FAIM: variants seen among roughly 807,000 people sequenced by gnomAD.
The protein encoded by FAIM is fas apoptotic inhibitory molecule 1.
A neutral mutation model predicts 21.2 loss-of-function variants in FAIM; 14 were observed. The observed-to-expected ratio is 0.66, with a 90% CI of 0.44 to 1.03. The LOEUF (loss-of-function observed/expected upper bound fraction) is 1.03. FAIM is among the 50% of genes least tolerant of loss of function. The pLI is 0.00. For synonymous variants in FAIM, 86 were observed against 80.4 expected, an observed-to-expected ratio of 1.07 and a Z score of -0.37; for missense variants, 222 against 247.1, an observed-to-expected ratio of 0.90 and a Z score of 0.68.
intron 1 of FAIM, among the ~76,000 whole-genome samples, chr3:138,616,040 C>A (rs1327477065): frequency 1.3e-5 from 2 of 152,188 alleles, no homozygotes; most frequent in Non-Finnish European, 2.9e-5. Flanking sequence ...GCACCCTCTA[C>A]AGCTTTGTTA....
intron 1 of FAIM, 84 bp from the exon 2 acceptor site, chr3:138,619,627 T>C: frequency 8.1e-7 from 1 of 1,231,548 alleles, no homozygotes; most frequent in Non-Finnish European, 1.2e-6. Flanking sequence ...AGAAAAACCC[T>C]TTGTAGATGT....
At chr3:138,623,200 CAA>C (rs1392274407) in intron 4 of FAIM, among the ~76,000 whole-genome samples, 3 of 152,190 alleles carry the variant, frequency 2.0e-5, no homozygotes, top group Admixed American at 6.5e-5. Context: ...TCAAAATTAT[CAA>C]AGTCTAGGAC....
intron 1 of FAIM, among the ~76,000 whole-genome samples, chr3:138,609,352 A>G (rs1057169921): frequency 6.6e-5 from 10 of 152,028 alleles, no homozygotes; most frequent in Non-Finnish European, 1.0e-4. Flanking sequence ...CGACCTCTAA[A>G]GATAATACTT....
At chr3:138,623,837 A>G (rs2042913296) in intron 4 of FAIM, among the ~76,000 whole-genome samples, 1 of 152,154 alleles carries the variant, frequency 6.6e-6, no homozygotes, top group Admixed American at 6.6e-5. Flanking sequence ...ACTGGAATAT[A>G]TTCCTTAGGT....
intron 1 of FAIM, among the ~76,000 whole-genome samples, chr3:138,611,660 C>T (rs1432684276): frequency 2.6e-5 from 4 of 152,148 alleles, no homozygotes; most frequent in Admixed American, 6.6e-5. Flanking sequence ...GGGCTGATCC[C>T]CAGTGAATAC....
chr3:138,621,654 G>T (rs1012385971), intron 3 of FAIM, 115 bp downstream of exon 3: 6 of 862,026 alleles, frequency 7.0e-6, no homozygotes, highest in Non-Finnish European at 1.1e-5. Flanking sequence ...TCATGTTTTT[G>T]ATCTGTATCA....
rs2043025636 is a variant in FAIM, at chr3:138,633,197, T to TA, written c.*119dup. ...GCAATGTTTTAATTTTTTAAAAAGT[T>TA]ACATGAAACTAACATTCCAAGGGTC... On this transcript the variant is annotated 3_prime_UTR_variant, in exon 6 of 6. Coordinates refer to ENST00000360570, the MANE Select transcript of FAIM (RefSeq NM_001033031.2). 1.2e-6 allele frequency: 1 copy of TA among 864,518 alleles called. No individual in the cohort carries two copies. The highest frequency in any genetic ancestry group is 1.6e-6 in the Non-Finnish European group (1 of 620,294). The allele number at this position is 864,518 out of a possible 1,614,324, so 53.6% of individuals were successfully genotyped here. A position where few individuals can be genotyped will look rare whatever the true frequency, so the allele number is the denominator to read the frequency against.
At chr3:138,609,537 T>TCTCTC (rs2042730053) in intron 1 of FAIM, among the ~76,000 whole-genome samples, 1 of 6,286 alleles carries the variant, frequency 1.6e-4, no homozygotes, top group African/African-American at 6.3e-4. Context: ...GCTGAAACTC[T>TCTCTC]CTCTCTCTCT....
At chr3:138,631,954 G>C (rs944375875) in intron 5 of FAIM, among the ~76,000 whole-genome samples, 2 of 151,972 alleles carry the variant, frequency 1.3e-5, no homozygotes, top group African/African-American at 4.8e-5. Context: ...TGTTAACTGG[G>C]GGGCCTTGTT....
At chr3:138,622,965 A>G (rs2042903499) in intron 4 of FAIM, among the ~76,000 whole-genome samples, 1 of 151,516 alleles carries the variant, frequency 6.6e-6, no homozygotes, top group South Asian at 2.1e-4. Context: ...ACTTGAATCC[A>G]GGAGGCGGAG....
intron 1 of FAIM, among the ~76,000 whole-genome samples, chr3:138,616,287 C>T (rs2042824430): frequency 6.6e-6 from 1 of 152,176 alleles, no homozygotes. Context: ...TTAATCTCTG[C>T]CTTTTAAAAT....
intron 2 of FAIM, among the ~76,000 whole-genome samples, chr3:138,620,002 T>C (rs1488625398): frequency 6.6e-6 from 1 of 152,248 alleles, no homozygotes; most frequent in Non-Finnish European, 1.5e-5. Flanking sequence ...TCTTCTCATT[T>C]CTGTCAGCAC....
intron 1 of FAIM, among the ~76,000 whole-genome samples, chr3:138,613,874 C>T (rs1050425682): frequency 1.3e-5 from 2 of 152,154 alleles, no homozygotes; most frequent in Non-Finnish European, 2.9e-5. Context: ...ATTGCCAAAT[C>T]CAAGATCATG....
rs184571814 is a variant in FAIM at position 138,632,003 on chromosome 3, G to C, written c.457-927G>C. 9.9e-3 allele frequency among the ~76,000 whole-genome samples: 1,504 copies of C among 152,054 alleles called. 15 individuals are homozygous for C. Among genetic ancestry groups the C allele is most frequent in the Non-Finnish European group, 0.015 (1,038 of 67,984 alleles). ...CTGCCAGGAAGCTAATAGCCAGGGGGTTTAAGTCTGATTTTTGGTTTCTTT... is the reference window on the plus strand; with the variant it reads ...CTGCCAGGAAGCTAATAGCCAGGGGCTTTAAGTCTGATTTTTGGTTTCTTT... On this transcript the variant is annotated intron_variant, in intron 5 of 5. Coordinates refer to ENST00000360570, the MANE Select transcript of FAIM (RefSeq NM_001033031.2).
At chr3:138,616,717 A>G (rs756811822) in intron 1 of FAIM, among the ~76,000 whole-genome samples, 2 of 152,178 alleles carry the variant, frequency 1.3e-5, no homozygotes, top group Non-Finnish European at 2.9e-5. Context: ...AGATTTTTTT[A>G]GTGTTTTGCT....
At position 138,610,125 on chromosome 3, in the gene FAIM, G is replaced by A. The variant is rs180946456; in HGVS notation, c.-17+1188G>A. Among the ~76,000 whole-genome samples the A allele has an allele frequency of 4.6e-5, 7 of 152,292 alleles. No homozygotes were observed. In the East Asian group the frequency reaches 1.4e-3, roughly 29 times the overall value. ...GCCTTTGCTGAAAAGGGAACCATGA[G>A]CATCTTAGTAACTACTATCATCTAG... On this transcript the variant is annotated intron_variant, in intron 1 of 5. Transcript: ENST00000360570.
intron 5 of FAIM, chr3:138,630,696 C>T (rs2042996210): frequency 6.6e-6 from 1 of 152,178 alleles, no homozygotes; most frequent in Admixed American, 6.5e-5. Flanking sequence ...ACTGTGTGCC[C>T]AATGCCATAC....
chr3:138,630,163 C>CT (rs2042990076), intron 5 of FAIM: 1 of 152,142 alleles, frequency 6.6e-6, no homozygotes, highest in African/African-American at 2.4e-5. Flanking sequence ...GTTGTAGTTG[C>CT]TTTTATCTCA....
chr3:138,614,871 G>A (rs2042809914), intron 1 of FAIM, among the ~76,000 whole-genome samples: 1 of 152,122 alleles, frequency 6.6e-6, no homozygotes, highest in South Asian at 2.1e-4. Context: ...GGCCCAGGAG[G>A]TTGAGGCTGC....
Sources: allele counts gnomAD v4.1 joint callset (sites outside exome capture counted in the v4.1 genomes callset), GRCh38; gene constraint gnomAD v4.1.1; transcripts MANE v1.5; gene names NCBI Gene and HGNC (gene_info 2026-07-23, HGNC 2026-07-21).